Variants in LRP1B observed in about 807,000 individuals in gnomAD.
The protein encoded by LRP1B is LDL receptor related protein 1B, also known as low-density lipoprotein receptor-related protein 1B.
In LRP1B, 217 loss-of-function variants were observed where a neutral mutation model predicts 556.6. The ratio of observed to expected loss-of-function variants is 0.39; its 90% CI spans 0.35 to 0.44. LRP1B has a LOEUF of 0.44. Ranked by LOEUF, LRP1B falls within the 20% of genes least tolerant of loss-of-function variation. The pLI is 1.00. For missense variants in LRP1B, 5,053 were observed against 5,620.8 expected (o/e 0.90, Z 3.23); for synonymous variants, 2,047 against 1,865.8 (o/e 1.10, Z -2.50).
intron 86 of LRP1B, among the ~76,000 whole-genome samples, chr2:140,258,010 A>C (rs947444747): frequency 6.6e-6 from 1 of 152,102 alleles, no homozygotes; most frequent in African/African-American, 2.4e-5. Flanking sequence ...GAGGAACCAA[A>C]GCCATAATTA....
At chr2:141,426,519 A>G (rs922725123) in intron 3 of LRP1B, among the ~76,000 whole-genome samples, 21 of 152,312 alleles carry the variant, frequency 1.4e-4, no homozygotes, top group African/African-American at 4.6e-4. Flanking sequence ...CTTAAAAAAT[A>G]TAATACCAAA....
chr2:140,644,887 A>G (rs1366163873), intron 41 of LRP1B, among the ~76,000 whole-genome samples: 1 of 152,126 alleles, frequency 6.6e-6, no homozygotes, highest in East Asian at 1.9e-4. Flanking sequence ...TTTCTAATCT[A>G]AATATATATT....
intron 2 of LRP1B, among the ~76,000 whole-genome samples, chr2:141,560,836 T>C (rs1686121384): frequency 6.6e-6 from 1 of 151,498 alleles, no homozygotes; most frequent in East Asian, 1.9e-4. Flanking sequence ...AGAGAGGAAA[T>C]TGTGTCAGGA....
At chr2:142,064,870 T>C (rs1705050168) in intron 1 of LRP1B, among the ~76,000 whole-genome samples, 1 of 151,650 alleles carries the variant, frequency 6.6e-6, no homozygotes, top group Admixed American at 6.6e-5. Flanking sequence ...GCATCATTGC[T>C]TTATTGTTCA....
rs767175239 is a variant in LRP1B, at chr2:141,570,655, C to T, written c.206-90122G>A. Reference sequence around the variant, plus strand: ...TGGCAACTGCCTAACAAGCTAAGCTCCCCGGTTGGGGGAAGGGCGGCATCC... The same window carrying T: ...TGGCAACTGCCTAACAAGCTAAGCTTCCCGGTTGGGGGAAGGGCGGCATCC... On this transcript the variant is annotated intron_variant, in intron 2 of 90. Coordinates refer to ENST00000389484, the MANE Select transcript of LRP1B (RefSeq NM_018557.3). Among the ~76,000 whole-genome samples, 4 of 151,176 alleles carry T rather than the reference C, an allele frequency of 2.6e-5. 1 individual carries two copies. The highest frequency in any genetic ancestry group is 5.9e-5 in the Non-Finnish European group (4 of 67,394).
chr2:140,263,288 A>G (rs547827092), intron 86 of LRP1B, among the ~76,000 whole-genome samples: 17 of 152,194 alleles, frequency 1.1e-4, no homozygotes, highest in African/African-American at 2.9e-4. Flanking sequence ...TGATGCATCA[A>G]AAATCCAGCA....
chr2:141,162,785 G>A (rs1385145471), intron 7 of LRP1B, among the ~76,000 whole-genome samples: 1 of 152,054 alleles, frequency 6.6e-6, no homozygotes, highest in African/African-American at 2.4e-5. Context: ...TATCAGTGAA[G>A]TTCACAAAAT....
At chr2:141,046,772 C>A (rs1698882678) in intron 11 of LRP1B, among the ~76,000 whole-genome samples, 1 of 152,070 alleles carries the variant, frequency 6.6e-6, no homozygotes, top group Non-Finnish European at 1.5e-5. Context: ...CTCTATGTTG[C>A]ATTTTGGTCC....
At chr2:141,930,576 A>G (rs1700472162) in intron 1 of LRP1B, among the ~76,000 whole-genome samples, 1 of 152,034 alleles carries the variant, frequency 6.6e-6, no homozygotes, top group African/African-American at 2.4e-5. Flanking sequence ...AAAATTAACC[A>G]TCTTCCAAAA....
chr2:141,014,962 T>G (rs62173660), intron 13 of LRP1B, among the ~76,000 whole-genome samples: 1,530 of 152,246 alleles, frequency 0.01, 12 homozygotes, highest in Non-Finnish European at 0.018. Flanking sequence ...TGTGCAGGTT[T>G]TCTTTCCAAA....
At chr2:141,895,688 T>C (rs1196500607) in intron 1 of LRP1B, among the ~76,000 whole-genome samples, 3 of 152,192 alleles carry the variant, frequency 2.0e-5, no homozygotes, top group Non-Finnish European at 4.4e-5. Context: ...TATTTCTCTT[T>C]ACAAACAATG....
chr2:141,073,633 G>C (rs1482448067), intron 7 of LRP1B, among the ~76,000 whole-genome samples: 1 of 151,892 alleles, frequency 6.6e-6, no homozygotes, highest in Non-Finnish European at 1.5e-5. Flanking sequence ...AGATTCTTTT[G>C]GATATCTCAT....
chr2:140,535,787 C>T (rs891202625), intron 46 of LRP1B, among the ~76,000 whole-genome samples: 3 of 152,062 alleles, frequency 2.0e-5, no homozygotes, highest in Non-Finnish European at 2.9e-5. Context: ...CAGTTGCTTA[C>T]TAGAGTATAA....
chr2:141,300,100 C>G (rs1686332588), intron 3 of LRP1B, among the ~76,000 whole-genome samples: 1 of 152,164 alleles, frequency 6.6e-6, no homozygotes, highest in South Asian at 2.1e-4. Context: ...AGTCAGCAGT[C>G]TACAGTCCAG....
intron 2 of LRP1B, among the ~76,000 whole-genome samples, chr2:141,615,628 A>G (rs1391816168): frequency 1.3e-5 from 2 of 152,164 alleles, no homozygotes; most frequent in South Asian, 4.1e-4. Flanking sequence ...GACTGTAAGT[A>G]TATTGTGTTT....
At chr2:141,949,322 T>G (rs1284854180) in intron 1 of LRP1B, among the ~76,000 whole-genome samples, 1 of 152,178 alleles carries the variant, frequency 6.6e-6, no homozygotes, top group Non-Finnish European at 1.5e-5. Flanking sequence ...TATTCAGAAA[T>G]TCACCAAAAT....
intron 66 of LRP1B, among the ~76,000 whole-genome samples, chr2:140,417,546 G>GTTATTT (rs1357121834): frequency 6.6e-6 from 1 of 152,172 alleles, no homozygotes; most frequent in Admixed American, 6.5e-5. Flanking sequence ...GCACGATGAT[G>GTTATTT]TTATGTGCAC....
intron 1 of LRP1B, among the ~76,000 whole-genome samples, chr2:141,871,173 C>T (rs540415136): frequency 1.3e-5 from 2 of 152,084 alleles, no homozygotes; most frequent in East Asian, 3.9e-4. Flanking sequence ...TCAACTTGAC[C>T]TCCTCTGAGG....
intron 18 of LRP1B, among the ~76,000 whole-genome samples, chr2:140,974,383 A>G (rs1696527808): frequency 6.6e-6 from 1 of 152,340 alleles, no homozygotes; most frequent in Middle Eastern, 3.4e-3. Flanking sequence ...TTCTGTGAGA[A>G]TAAGCAACTA....
Sources: gnomAD v4.1 joint callset for allele counts (sites outside exome capture counted in the v4.1 genomes callset) on GRCh38, gnomAD v4.1.1 for gene constraint, MANE v1.5 for transcripts, NCBI Gene and HGNC (gene_info 2026-07-23, HGNC 2026-07-21) for gene names.